Variants in DCAF10 observed in about 807,000 individuals in gnomAD.
DCAF10 encodes DDB1- and CUL4-associated factor 10.
In DCAF10, 19 loss-of-function variants were observed where a neutral mutation model predicts 51.9. The observed-to-expected ratio is 0.37, with a 90% confidence interval of 0.26 to 0.54. DCAF10 has a LOEUF of 0.54. Among genes scored for constraint, DCAF10 ranks in the 20% least tolerant of loss-of-function variants. The pLI is 0.87. For synonymous variants in DCAF10, 291 were observed against 297.1 expected (o/e 0.98, Z 0.21); for missense variants, 510 against 730.6 (o/e 0.70, Z 3.48).
chr9:37,847,659 G>A (rs1035644613), intron 3 of DCAF10, among the ~76,000 whole-genome samples: 1 of 151,998 alleles, frequency 6.6e-6, no homozygotes, highest in Non-Finnish European at 1.5e-5. Flanking sequence ...TTGCACTGGA[G>A]GTGCAATCAG....
intron 6 of DCAF10, among the ~76,000 whole-genome samples, chr9:37,860,592 A>G (rs1489567664): frequency 6.6e-6 from 1 of 152,230 alleles, no homozygotes; most frequent in African/African-American, 2.4e-5. Flanking sequence ...TTACTAAGCC[A>G]ATTGAGTATC....
At chr9:37,818,274 G>C (rs898539915) in intron 1 of DCAF10, among the ~76,000 whole-genome samples, 4 of 152,168 alleles carry the variant, frequency 2.6e-5, no homozygotes, top group African/African-American at 9.7e-5. Flanking sequence ...GATCACAGGC[G>C]TGGGCCACCG....
At chr9:37,802,017 C>A (rs1325891622) in intron 1 of DCAF10, among the ~76,000 whole-genome samples, 2 of 152,156 alleles carry the variant, frequency 1.3e-5, no homozygotes, top group Non-Finnish European at 2.9e-5. Context: ...AGGGAACTTT[C>A]CAAAATCGTA....
At position 37,865,983 on chromosome 9, in the gene DCAF10, C is replaced by T. The variant is rs1831129195; in HGVS notation, c.*4475C>T. On this transcript the variant is annotated 3_prime_UTR_variant, in exon 7 of 7. Transcript: ENST00000377724. ...AAAGCCTAGTGTTTCCCTTATTTGTCAGAATATGTGGTAGTGGCATCCATA... is the reference window on the plus strand; with the variant it reads ...AAAGCCTAGTGTTTCCCTTATTTGTTAGAATATGTGGTAGTGGCATCCATA... 6.6e-6 allele frequency: 1 copy of T among 152,582 alleles called. No homozygotes were observed. Among genetic ancestry groups the T allele is most frequent in the Non-Finnish European group, 1.5e-5 (1 of 68,020 alleles). The allele number at this position is 152,582 out of a possible 1,614,324, so 9.5% of individuals were successfully genotyped here.
rs776609526 is a variant in DCAF10, at chr9:37,801,238, C to T, written c.372C>T (p.Phe124=). The T allele has an allele frequency of 2.5e-6, 4 of 1,579,562 alleles. No individual in the cohort carries two copies. Among genetic ancestry groups the T allele is most frequent in the Admixed American group, 1.8e-5 (1 of 56,526 alleles). ...AGLGGPGARL[F]GWLKERSLGR... ...TGGGCGGCCCTGGCGCTAGGCTGTT[C>T]GGGTGGCTGAAAGAGCGCAGCCTGG... Residue 124 remains phenylalanine (F), a synonymous_variant, in exon 1 of 7, where the codon TTC becomes TTT. Transcript: ENST00000377724. This position sits in a 1 kb window ranked among gnomAD's most constrained non-coding sequence, Gnocchi z 5.5.
At chr9:37,850,253 T>A (rs552975404) in intron 3 of DCAF10, among the ~76,000 whole-genome samples, 85 of 152,304 alleles carry the variant, frequency 5.6e-4, no homozygotes, top group African/African-American at 1.9e-3. Context: ...AGAACTACCA[T>A]ATAAATCCAA....
rs551201187 is a variant in DCAF10 at position 37,857,512 on chromosome 9, C to T, written c.1165+161C>T. Among the ~76,000 whole-genome samples, 98 of 152,096 alleles carry T rather than the reference C, an allele frequency of 6.4e-4. 1 individual carries two copies. Among genetic ancestry groups the T allele is most frequent in the South Asian group, 4.4e-3 (21 of 4,810 alleles). On this transcript the variant is annotated intron_variant, in intron 5 of 6. Coordinates refer to ENST00000377724, the MANE Select transcript of DCAF10 (RefSeq NM_024345.5). ...CAGTCATCATCTTCAAAAAGCTAACCGAGAGTCCCTGGGGTTGAATATCTT... is the reference window on the plus strand; with the variant it reads ...CAGTCATCATCTTCAAAAAGCTAACTGAGAGTCCCTGGGGTTGAATATCTT...
chr9:37,826,536 C>G (rs1360106413), intron 2 of DCAF10, among the ~76,000 whole-genome samples: 1 of 152,090 alleles, frequency 6.6e-6, no homozygotes, highest in Non-Finnish European at 1.5e-5. Context: ...TCATAGGATC[C>G]ACAAGAGCCC....
At chr9:37,805,760 A>G (rs930625435) in intron 1 of DCAF10, among the ~76,000 whole-genome samples, 1 of 152,226 alleles carries the variant, frequency 6.6e-6, no homozygotes, top group African/African-American at 2.4e-5. Flanking sequence ...ACTAGTTGCA[A>G]TAACTATAAG....
chr9:37,855,903 C>T (rs1378629312), intron 4 of DCAF10, among the ~76,000 whole-genome samples: 1 of 152,170 alleles, frequency 6.6e-6, no homozygotes, highest in Admixed American at 6.5e-5. Flanking sequence ...GTAATCCTAG[C>T]ACTTTGAGAG....
At chr9:37,824,754 C>T (rs201270743) in intron 2 of DCAF10, among the ~76,000 whole-genome samples, 1 of 151,738 alleles carries the variant, frequency 6.6e-6, no homozygotes, top group East Asian at 1.9e-4. Context: ...AAAAATAAAA[C>T]CACTGAGAAA....
intron 1 of DCAF10, among the ~76,000 whole-genome samples, chr9:37,818,470 A>C (rs1829610706): frequency 6.6e-6 from 1 of 152,106 alleles, no homozygotes; most frequent in Non-Finnish European, 1.5e-5. Context: ...GGCCCACAAA[A>C]AACTTATACT....
intron 2 of DCAF10, among the ~76,000 whole-genome samples, chr9:37,835,094 A>G (rs1445334568): frequency 1.3e-5 from 2 of 152,112 alleles, no homozygotes; most frequent in Non-Finnish European, 2.9e-5. Flanking sequence ...TCTCAGTCAC[A>G]TAATTTCTGT....
intron 2 of DCAF10, among the ~76,000 whole-genome samples, chr9:37,821,960 G>T (rs889688477): frequency 6.6e-6 from 1 of 151,256 alleles, no homozygotes; most frequent in Non-Finnish European, 1.5e-5. Flanking sequence ...CTAAGGAAAT[G>T]AATAGATAAT....
At chr9:37,852,408 G>A (rs2118131660) in intron 3 of DCAF10, among the ~76,000 whole-genome samples, 1 of 152,186 alleles carries the variant, frequency 6.6e-6, no homozygotes, top group African/African-American at 2.4e-5. Context: ...GACTAGCCTG[G>A]GCAACACAGC....
intron 2 of DCAF10, among the ~76,000 whole-genome samples, chr9:37,820,522 G>T (rs533990423): frequency 6.6e-6 from 1 of 152,126 alleles, no homozygotes. Context: ...TTCACTACCC[G>T]AGACTATAAG....
Position 37,801,538 on chromosome 9 carries a change from C to T in DCAF10, c.539+133C>T, listed in dbSNP as rs1828946006. On this transcript the variant is annotated intron_variant, in intron 1 of 6. Transcript: ENST00000377724. This position sits in a 1 kb window ranked among gnomAD's most constrained non-coding sequence, Gnocchi z 5.5. Reference sequence around the variant, plus strand: ...CGTTTGGGGCCGCTGGCCTTCGTGCCTCCTGGCACTTTCTGAAGCGCATTC... The same window carrying T: ...CGTTTGGGGCCGCTGGCCTTCGTGCTTCCTGGCACTTTCTGAAGCGCATTC... The T allele has an allele frequency of 9.0e-7, 1 of 1,105,362 alleles. No homozygotes were observed. 68.5% of individuals were successfully genotyped at this position (1,105,362 alleles called of 1,614,324 possible). A position where few individuals can be genotyped will look rare whatever the true frequency, so the allele number is the denominator to read the frequency against.
chr9:37,800,859 C>T lies in DCAF10; in HGVS notation c.-8C>T, dbSNP rs150129303. ...AGTGGCCCGGAGCGGGGGGCGGGGG[C>T]GTTGATCATGTTTCCCTTTGGGCCC... On this transcript the variant is annotated 5_prime_UTR_variant, in exon 1 of 7. Coordinates refer to ENST00000377724, the MANE Select transcript of DCAF10 (RefSeq NM_024345.5). The T allele has an allele frequency of 2.4e-3, 3,561 of 1,488,186 alleles. 18 individuals are homozygous for T. The highest frequency in any genetic ancestry group is 0.013 in the South Asian group (985 of 75,832). 92.2% of individuals were successfully genotyped at this position (1,488,186 alleles called of 1,614,324 possible).
At chr9:37,844,592 C>T (rs559033677) in intron 3 of DCAF10, among the ~76,000 whole-genome samples, 87 of 152,120 alleles carry the variant, frequency 5.7e-4, no homozygotes, top group African/African-American at 2.0e-3. Context: ...TAGAGGTTGC[C>T]GTGAGCCGAG....
Sources: gnomAD v4.1 joint callset for allele counts (sites outside exome capture counted in the v4.1 genomes callset) on GRCh38, gnomAD v4.1.1 for gene constraint, Gnocchi (gnomAD v3.1) non-coding constraint, MANE v1.5 for transcripts, NCBI Gene and HGNC (gene_info 2026-07-23, HGNC 2026-07-21) for gene names.